Variants in SMYD3 observed in about 807,000 individuals in gnomAD.
The protein encoded by SMYD3 is SET and MYND domain containing 3, also known as histone-lysine N-methyltransferase SMYD3.
A neutral mutation model predicts 57.7 loss-of-function variants in SMYD3; 36 were observed. That is an observed-to-expected ratio of 0.62 (90% CI 0.48 to 0.82). The LOEUF (loss-of-function observed/expected upper bound fraction) is 0.82, where lower values mean the gene tolerates loss of function less well. Among genes scored for constraint, SMYD3 ranks in the 40% least tolerant of loss-of-function variants. SMYD3 has a pLI of 0.00. For missense variants in SMYD3, 515 were observed against 538.8 expected (o/e 0.96, Z 0.44); for synonymous variants, 211 against 195.0 (o/e 1.08, Z -0.68).
intron 10 of SMYD3, among the ~76,000 whole-genome samples, chr1:245,791,452 G>C (rs1329367596): frequency 6.6e-6 from 1 of 152,186 alleles, no homozygotes; most frequent in Non-Finnish European, 1.5e-5. Flanking sequence ...AGGGCATGGT[G>C]ACACTGTGTC....
Position 246,202,595 on chromosome 1 carries a change from G to A in SMYD3, c.531+124606C>T, listed in dbSNP as rs1178184479. Among the ~76,000 whole-genome samples, 2 of 152,174 alleles carry A rather than the reference G, an allele frequency of 1.3e-5. No individual in the cohort carries two copies. Among genetic ancestry groups the A allele is most frequent in the African/African-American group, 2.4e-5 (1 of 41,440 alleles). On this transcript the variant is annotated intron_variant, in intron 5 of 11. Coordinates refer to ENST00000490107, the MANE Select transcript of SMYD3 (RefSeq NM_001167740.2). This position sits in a 1 kb window ranked among gnomAD's most constrained non-coding sequence, Gnocchi z 4.1. Reference sequence around the variant, plus strand: ...CTCCCTCAAATCATCGAAATGTGACGTATTAAATCCACGCACAGTCTCAGA... The same window carrying A: ...CTCCCTCAAATCATCGAAATGTGACATATTAAATCCACGCACAGTCTCAGA...
At chr1:245,998,369 T>C (rs2058972313) in intron 5 of SMYD3, among the ~76,000 whole-genome samples, 1 of 152,182 alleles carries the variant, frequency 6.6e-6, no homozygotes, top group African/African-American at 2.4e-5. Flanking sequence ...TAATTCTAAG[T>C]CAGTGACCTG....
intron 5 of SMYD3, among the ~76,000 whole-genome samples, chr1:246,168,592 G>A (rs1335013664): frequency 1.3e-5 from 2 of 152,112 alleles, no homozygotes; most frequent in East Asian, 1.9e-4. Context: ...AATGGAGAAC[G>A]TTTACAAGCT....
At chr1:246,449,718 A>C (rs1045373618) in intron 1 of SMYD3, among the ~76,000 whole-genome samples, 1 of 147,330 alleles carries the variant, frequency 6.8e-6, no homozygotes, top group Admixed American at 6.8e-5. Context: ...AGAAGAGAAA[A>C]TAAACACAAA....
At chr1:246,256,309 C>A (rs1373733430) in intron 5 of SMYD3, among the ~76,000 whole-genome samples, 1 of 152,168 alleles carries the variant, frequency 6.6e-6, no homozygotes, top group African/African-American at 2.4e-5. Flanking sequence ...CCCCAGCCCA[C>A]TGACTCAAAT....
chr1:245,821,254 C>T (rs1486208349), intron 10 of SMYD3, among the ~76,000 whole-genome samples: 1 of 128,450 alleles, frequency 7.8e-6, no homozygotes, highest in Non-Finnish European at 1.7e-5. Context: ...ATATCTACAA[C>T]TATCTGATCT....
At chr1:245,791,140 T>C (rs2148185015) in intron 10 of SMYD3, among the ~76,000 whole-genome samples, 1 of 152,228 alleles carries the variant, frequency 6.6e-6, no homozygotes, top group Non-Finnish European at 1.5e-5. Flanking sequence ...AAGCAATTCC[T>C]CCCCTGGTAT....
intron 8 of SMYD3, among the ~76,000 whole-genome samples, chr1:245,885,361 C>T (rs2053031726): frequency 6.6e-6 from 1 of 152,184 alleles, no homozygotes; most frequent in South Asian, 2.1e-4. Flanking sequence ...ATGCCTGGCC[C>T]CCAGGTAGCC....
intron 5 of SMYD3, among the ~76,000 whole-genome samples, chr1:246,056,541 A>T (rs1426894296): frequency 5.9e-5 from 9 of 151,998 alleles, no homozygotes; most frequent in Non-Finnish European, 1.5e-5. Flanking sequence ...ACAAATGTGC[A>T]TTGTAAAAAT....
chr1:246,431,528 G>A (rs896651105), intron 1 of SMYD3, among the ~76,000 whole-genome samples: 6 of 152,132 alleles, frequency 3.9e-5, no homozygotes, highest in African/African-American at 1.2e-4. Context: ...CCAGGAGTTC[G>A]AGACCAGCCT....
intron 1 of SMYD3, among the ~76,000 whole-genome samples, chr1:246,373,919 C>G (rs2066230365): frequency 6.6e-6 from 1 of 152,072 alleles, no homozygotes; most frequent in East Asian, 1.9e-4. Context: ...ACAAAACAAC[C>G]CTGCCATTCA....
intron 10 of SMYD3, among the ~76,000 whole-genome samples, chr1:245,815,129 T>A (rs2048728170): frequency 1.3e-5 from 2 of 152,214 alleles, no homozygotes. Context: ...AGGCAACTAT[T>A]GCTACCAACA....
intron 1 of SMYD3, 75 bp downstream of exon 1, chr1:246,506,979 G>GCCCCCC: frequency 1.3e-6 from 1 of 743,662 alleles, no homozygotes; most frequent in Non-Finnish European, 2.0e-6. Flanking sequence ...GCGGCTGCCG[G>GCCCCCC]CCGCCCGACG....
At chr1:246,155,777 C>A (rs987017303) in intron 5 of SMYD3, among the ~76,000 whole-genome samples, 2 of 151,886 alleles carry the variant, frequency 1.3e-5, no homozygotes, top group African/African-American at 4.8e-5. Flanking sequence ...GTCAGGAGTT[C>A]GAGACCAGCC....
chr1:245,917,385 AT>A (rs1366696981), intron 7 of SMYD3, among the ~76,000 whole-genome samples: 1 of 152,174 alleles, frequency 6.6e-6, no homozygotes, highest in Non-Finnish European at 1.5e-5. Context: ...TCTGCAATAG[AT>A]TATGAAGGAA....
Position 245,982,045 on chromosome 1 carries a change from G to A in SMYD3, c.532-52108C>T, listed in dbSNP as rs74739682. On this transcript the variant is annotated intron_variant, in intron 5 of 11. Coordinates refer to ENST00000490107, the MANE Select transcript of SMYD3 (RefSeq NM_001167740.2). ...TTGTGGAACTGTAGCTCTTTACATA[G>A]CCCAGAGACATTCTCCCTTTAAAGT... is the stretch of plus-strand genomic sequence containing the variant. Among the ~76,000 whole-genome samples, 464 of 152,340 alleles carry A rather than the reference G, an allele frequency of 3.0e-3. 2 individuals are homozygous for A. The highest frequency in any genetic ancestry group is 0.01 in the African/African-American group (420 of 41,590).
At chr1:245,778,319 G>A (rs2046687529) in intron 10 of SMYD3, among the ~76,000 whole-genome samples, 1 of 152,140 alleles carries the variant, frequency 6.6e-6, no homozygotes, top group African/African-American at 2.4e-5. Flanking sequence ...CAAAGAGATA[G>A]ACACAAAATG....
chr1:246,032,284 C>T (rs1365861457), intron 5 of SMYD3, among the ~76,000 whole-genome samples: 16 of 152,180 alleles, frequency 1.1e-4, no homozygotes. Context: ...CCCCACAGTG[C>T]ATCTCATAAC....
intron 1 of SMYD3, among the ~76,000 whole-genome samples, chr1:246,457,541 AAAAAAAAGAAAAG>A (rs1299562738): frequency 1.0e-3 from 96 of 95,958 alleles, no homozygotes; most frequent in South Asian, 8.9e-3. Context: ...TCAAAAAAAA[AAAAAAAAGAAAAG>A]AAAAGAAAAG....
Sources: allele counts gnomAD v4.1 joint callset (sites outside exome capture counted in the v4.1 genomes callset), GRCh38; gene constraint gnomAD v4.1.1; non-coding constraint Gnocchi (gnomAD v3.1); transcripts MANE v1.5; gene names NCBI Gene and HGNC (gene_info 2026-07-23, HGNC 2026-07-21).